The following ZMYND12 variants were observed in gnomAD, a reference collection of about 807,000 sequenced individuals.
ZMYND12 encodes the protein zinc finger MYND-type containing 12.
ZMYND12 carries 32 observed loss-of-function variants against 41.7 expected under a neutral mutation model. That is an observed-to-expected ratio of 0.77 (90% CI 0.58 to 1.03). The LOEUF (loss-of-function observed/expected upper bound fraction) is 1.03, where lower values mean the gene tolerates loss of function less well. Ranked by LOEUF, ZMYND12 falls within the 50% of genes least tolerant of loss-of-function variation. The pLI, the probability that ZMYND12 is intolerant of heterozygous loss-of-function variation, is 0.00. For synonymous variants in ZMYND12, 148 were observed against 164.8 expected (o/e 0.90, Z 0.78); for missense variants, 424 against 438.5 (o/e 0.97, Z 0.30).
chr1:42,449,859 T>C (rs916150886), intron 2 of ZMYND12, 59 bp downstream of exon 2: 2 of 1,592,924 alleles, frequency 1.3e-6, no homozygotes, highest in Non-Finnish European at 1.7e-6. Context: ...GTTCGAGCCT[T>C]GTCTTGGGCA....
At chr1:42,439,709 G>A in intron 4 of ZMYND12, 147 bp downstream of exon 4, 1 of 857,034 alleles carries the variant, frequency 1.2e-6, no homozygotes, top group Non-Finnish European at 1.7e-6. Flanking sequence ...ATTGTGTTAT[G>A]GCTAACATCC....
Position 42,430,626 on chromosome 1 carries a change from G to T in ZMYND12, c.*110C>A. ...CTATGTGTGCAATCCCAGGGGAAGA[G>T]GGTGGAAACTTCAGCAGTCTACAGT... On this transcript the variant is annotated 3_prime_UTR_variant, in exon 8 of 8. Coordinates refer to ENST00000372565, the MANE Select transcript of ZMYND12 (RefSeq NM_032257.5). 1 of 1,393,504 alleles carries T rather than the reference G, an allele frequency of 7.2e-7. No individual in the cohort carries two copies. Among genetic ancestry groups the T allele is most frequent in the Non-Finnish European group, 9.8e-7 (1 of 1,017,778 alleles). 86.3% of individuals were successfully genotyped at this position (1,393,504 alleles called of 1,614,324 possible).
chr1:42,443,828 C>A (rs1028996267), intron 3 of ZMYND12, among the ~76,000 whole-genome samples: 13 of 152,072 alleles, frequency 8.5e-5, no homozygotes, highest in African/African-American at 3.1e-4. Flanking sequence ...AAGACATGAT[C>A]CCTGACTCCA....
intron 3 of ZMYND12, among the ~76,000 whole-genome samples, chr1:42,443,838 A>C (rs1208005959): frequency 6.6e-6 from 1 of 152,164 alleles, no homozygotes; most frequent in Admixed American, 6.5e-5. Flanking sequence ...CCCTGACTCC[A>C]AGAAGCTTAA....
intron 5 of ZMYND12, 149 bp downstream of exon 5, chr1:42,436,272 G>T (rs912157386): frequency 9.9e-7 from 1 of 1,012,612 alleles, no homozygotes; most frequent in Admixed American, 2.6e-5. Flanking sequence ...AGTATATCAT[G>T]TATCAGGCTA....
chr1:42,454,242 C>T (rs190744002), intron 1 of ZMYND12, among the ~76,000 whole-genome samples: 111 of 152,258 alleles, frequency 7.3e-4, no homozygotes, highest in Admixed American at 5.2e-3. Context: ...GAGAAATAAC[C>T]AGGGCCTTGT....
At chr1:42,445,851 G>A (rs1438634818) in intron 3 of ZMYND12, among the ~76,000 whole-genome samples, 1 of 152,190 alleles carries the variant, frequency 6.6e-6, no homozygotes, top group Non-Finnish European at 1.5e-5. Flanking sequence ...AGACCAGTTA[G>A]TAGGCAGTGG....
At chr1:42,439,464 C>T (rs1642943424) in intron 4 of ZMYND12, among the ~76,000 whole-genome samples, 3 of 152,140 alleles carry the variant, frequency 2.0e-5, no homozygotes, top group Non-Finnish European at 4.4e-5. Context: ...CGGGGTTTCA[C>T]CATGTTGGCC....
chr1:42,430,843 T>G lies in ZMYND12; in HGVS notation c.991A>C (p.Met331Leu). 1 of 1,614,170 alleles carries G rather than the reference T, an allele frequency of 6.2e-7. No individual in the cohort carries two copies. The highest frequency in any genetic ancestry group is 8.5e-7 in the Non-Finnish European group (1 of 1,180,022). The change falls in exon 8 of 8, where the codon ATG becomes CTG. Residue 331 changes from methionine to leucine, a missense_variant. Met to Leu is a conservative substitution (Grantham distance 15). Coordinates refer to ENST00000372565, the MANE Select transcript of ZMYND12 (RefSeq NM_032257.5). ...TCTTTGGCTAGACTGAGGGCCCTCATGCCATATTCCTGTGCCTGAAATAGA... is the reference window on the plus strand; with the variant it reads ...TCTTTGGCTAGACTGAGGGCCCTCAGGCCATATTCCTGTGCCTGAAATAGA... ...MNSSKAQEYG[M>L]RALSLAKEQQ...
At chr1:42,445,233 G>A (rs2148408376) in intron 3 of ZMYND12, among the ~76,000 whole-genome samples, 1 of 151,856 alleles carries the variant, frequency 6.6e-6, no homozygotes, top group South Asian at 2.1e-4. Flanking sequence ...AGGAGTTCAA[G>A]ACCAGCCTGG....
chr1:42,432,143 A>G (rs931386486), intron 7 of ZMYND12, among the ~76,000 whole-genome samples: 1 of 150,218 alleles, frequency 6.7e-6, no homozygotes, highest in African/African-American at 2.4e-5. Flanking sequence ...TGCAGCCTCA[A>G]TCTCCTGGGC....
chr1:42,440,055 T>C (rs778689959), intron 3 of ZMYND12, 30 bp from the exon 4 acceptor site: 38 of 1,565,154 alleles, frequency 2.4e-5, no homozygotes. Flanking sequence ...AAGGTTATAA[T>C]TCATATCCAG....
intron 3 of ZMYND12, among the ~76,000 whole-genome samples, chr1:42,443,285 G>A (rs1642989070): frequency 6.6e-6 from 1 of 152,208 alleles, no homozygotes; most frequent in African/African-American, 2.4e-5. Flanking sequence ...ACCAGTGAGT[G>A]CGTAAGTTCA....
chr1:42,449,893 C>T (rs1643064664), intron 2 of ZMYND12, 25 bp downstream of exon 2: 1 of 1,606,956 alleles, frequency 6.2e-7, no homozygotes, highest in Non-Finnish European at 8.5e-7. Flanking sequence ...TACGACTTAA[C>T]CTTGGAAAGT....
chr1:42,440,512 C>CAGGGGGTCCAATGCAAGGGAGGCACTAAG (rs1424454269), intron 3 of ZMYND12, among the ~76,000 whole-genome samples: 2 of 151,840 alleles, frequency 1.3e-5, no homozygotes, highest in African/African-American at 4.8e-5. Context: ...GAGGCACTAA[C>CAGGGGGTCCAATGCAAGGGAGGCACTAAG]AGGGGGTCCA....
At chr1:42,439,165 T>A (rs1329365092) in intron 4 of ZMYND12, among the ~76,000 whole-genome samples, 1 of 152,216 alleles carries the variant, frequency 6.6e-6, no homozygotes, top group Non-Finnish European at 1.5e-5. Flanking sequence ...GAGACTATTT[T>A]ATTATTCCTG....
rs1642835621 is a variant in ZMYND12, at chr1:42,430,447, A to T, written c.*289T>A. 3.4e-6 allele frequency: 1 copy of T among 294,808 alleles called. No individual in the cohort carries two copies. Among genetic ancestry groups the T allele is most frequent in the South Asian group, 1.2e-4 (1 of 8,632 alleles). The allele number at this position is 294,808 out of a possible 1,614,324, so 18.3% of individuals were successfully genotyped here. A position where few individuals can be genotyped will look rare whatever the true frequency, so the allele number is the denominator to read the frequency against. ...ATGACAAACTATTTGTAGTTTAATT[A>T]CAAATACCATATTAGTGATCTGACT... On this transcript the variant is annotated 3_prime_UTR_variant, in exon 8 of 8. Coordinates refer to ENST00000372565, the MANE Select transcript of ZMYND12 (RefSeq NM_032257.5).
At chr1:42,441,349 T>C (rs978599740) in intron 3 of ZMYND12, among the ~76,000 whole-genome samples, 9 of 152,220 alleles carry the variant, frequency 5.9e-5, no homozygotes, top group African/African-American at 2.2e-4. Context: ...TAGAACTATA[T>C]AGAGTCACAG....
intron 3 of ZMYND12, among the ~76,000 whole-genome samples, chr1:42,442,542 C>G (rs1374663448): frequency 6.6e-6 from 1 of 152,078 alleles, no homozygotes; most frequent in Non-Finnish European, 1.5e-5. Context: ...GGAAATTTGT[C>G]AGAACAGAAT....
Sources: allele counts gnomAD v4.1 joint callset (sites outside exome capture counted in the v4.1 genomes callset), GRCh38; gene constraint gnomAD v4.1.1; transcripts MANE v1.5; gene names NCBI Gene and HGNC (gene_info 2026-07-23, HGNC 2026-07-21).